Variants in INPP4B observed in about 807,000 individuals in gnomAD.
INPP4B encodes the protein inositol polyphosphate 4-phosphatase type II.
A neutral mutation model predicts 122.5 loss-of-function variants in INPP4B; 55 were observed. That is an observed-to-expected ratio of 0.45 (90% CI 0.36 to 0.56). The LOEUF is 0.56. INPP4B is among the 20% of genes least tolerant of loss of function. INPP4B has a pLI of 0.00. For synonymous variants in INPP4B, 403 were observed against 388.7 expected (o/e 1.04, Z -0.43); for missense variants, 1,000 against 1,097.7 (o/e 0.91, Z 1.26).
intron 17 of INPP4B, among the ~76,000 whole-genome samples, chr4:142,157,076 A>G (rs2152892307): frequency 6.6e-6 from 1 of 152,332 alleles, no homozygotes; most frequent in Admixed American, 6.5e-5. Context: ...TACTACCAGC[A>G]TTGACTAGAC....
At chr4:142,560,587 G>T (rs1730245521) in intron 2 of INPP4B, 1 of 152,134 alleles carries the variant, frequency 6.6e-6, no homozygotes, top group South Asian at 2.1e-4. Context: ...AAGGCTGGGG[G>T]GCCCTGGCAA....
At chr4:142,620,663 TA>T (rs1047056178) in intron 2 of INPP4B, among the ~76,000 whole-genome samples, 2 of 151,772 alleles carry the variant, frequency 1.3e-5, no homozygotes, top group African/African-American at 4.8e-5. Flanking sequence ...AAATAAGAGT[TA>T]AAAAAATAAA....
chr4:142,034,061 T>A (rs565187901), intron 25 of INPP4B, among the ~76,000 whole-genome samples: 1 of 152,156 alleles, frequency 6.6e-6, no homozygotes, highest in Non-Finnish European at 1.5e-5. Context: ...TACTGTACAG[T>A]CCATGGTAAA....
intron 23 of INPP4B, among the ~76,000 whole-genome samples, chr4:142,090,183 T>C (rs1778824756): frequency 6.6e-6 from 1 of 152,130 alleles, no homozygotes; most frequent in Non-Finnish European, 1.5e-5. Flanking sequence ...GGCCATCCTT[T>C]CCCCATTCCC....
At chr4:142,118,256 C>A (rs1275566653) in intron 21 of INPP4B, among the ~76,000 whole-genome samples, 1 of 152,132 alleles carries the variant, frequency 6.6e-6, no homozygotes, top group African/African-American at 2.4e-5. Context: ...CCCCATCAAG[C>A]TACCAATGAC....
At chr4:142,230,968 G>C (rs1367231350) in intron 12 of INPP4B, among the ~76,000 whole-genome samples, 1 of 151,934 alleles carries the variant, frequency 6.6e-6, no homozygotes, top group Admixed American at 6.6e-5. Context: ...AGTGTTATGA[G>C]AACACTTCAC....
chr4:142,201,578 C>T (rs1370406284), intron 14 of INPP4B, among the ~76,000 whole-genome samples: 1 of 151,914 alleles, frequency 6.6e-6, no homozygotes, highest in Non-Finnish European at 1.5e-5. Context: ...CTGGTCTCTT[C>T]AGCTGATGAA....
intron 2 of INPP4B, among the ~76,000 whole-genome samples, chr4:142,593,864 GCATA>G (rs1256251239): frequency 6.6e-6 from 1 of 151,330 alleles, no homozygotes; most frequent in Non-Finnish European, 1.5e-5. Flanking sequence ...AATGTTCTCA[GCATA>G]AATACACACA....
At chr4:142,631,545 G>A (rs940475547) in intron 2 of INPP4B, among the ~76,000 whole-genome samples, 19 of 151,920 alleles carry the variant, frequency 1.3e-4, no homozygotes, top group Admixed American at 4.6e-4. Context: ...GACTAAAAAC[G>A]TTCCAAAATT....
chr4:142,663,799 C>A (rs574354670), intron 2 of INPP4B, among the ~76,000 whole-genome samples: 1 of 151,946 alleles, frequency 6.6e-6, no homozygotes, highest in Admixed American at 6.6e-5. Context: ...GATTTTCAGA[C>A]AAATGTATTG....
intron 2 of INPP4B, among the ~76,000 whole-genome samples, chr4:142,520,562 A>T (rs1014598809): frequency 2.6e-5 from 4 of 151,998 alleles, no homozygotes; most frequent in African/African-American, 9.6e-5. Context: ...TTGTATTAAA[A>T]TTGTACCCTT....
chr4:142,263,680 A>ACATG (rs61694410), intron 10 of INPP4B, among the ~76,000 whole-genome samples: 1 of 81,948 alleles, frequency 1.2e-5, no homozygotes, highest in African/African-American at 3.8e-5. Context: ...ATATATATAT[A>ACATG]ACATTGAACA....
chr4:142,586,944 G>A lies in INPP4B; in HGVS notation c.-190-124218C>T, dbSNP rs532414936. Among the ~76,000 whole-genome samples the A allele has an allele frequency of 3.3e-5, 5 of 152,238 alleles. No individual in the cohort carries two copies. The East Asian group carries it at 9.7e-4, about 29-fold the overall frequency. On this transcript the variant is annotated intron_variant, in intron 2 of 25. Coordinates refer to ENST00000262992, the MANE Select transcript of INPP4B (RefSeq NM_001101669.3). ...GCTTGTTAGTAAGACTACAAATTCTGAAATATGGTGGAAGTGTAGGATGTG... is the reference window on the plus strand; with the variant it reads ...GCTTGTTAGTAAGACTACAAATTCTAAAATATGGTGGAAGTGTAGGATGTG...
intron 3 of INPP4B, among the ~76,000 whole-genome samples, chr4:142,448,295 A>C (rs1813352538): frequency 7.0e-6 from 1 of 142,386 alleles, no homozygotes; most frequent in Non-Finnish European, 1.5e-5. Flanking sequence ...TTAGATATAA[A>C]GTGCCGAATC....
chr4:142,341,043 A>T (rs555533407), intron 7 of INPP4B, among the ~76,000 whole-genome samples: 1 of 152,318 alleles, frequency 6.6e-6, no homozygotes, highest in South Asian at 2.1e-4. Context: ...GATGATAACA[A>T]TTAAGTTAAA....
chr4:142,325,522 C>G lies in INPP4B; in HGVS notation c.373-10760G>C, dbSNP rs538264959. Among the ~76,000 whole-genome samples the G allele has an allele frequency of 4.2e-4, 64 of 152,146 alleles. 2 individuals carry two copies. The highest frequency in any genetic ancestry group is 3.5e-4 in the Non-Finnish European group (24 of 68,024). On this transcript the variant is annotated intron_variant, in intron 7 of 25. Transcript: ENST00000262992. The stretch of plus-strand genomic sequence containing the variant: ...TTGGGTTTTACTCACTAAATGCGAT[C>G]ATCTTTCAAATGTCAAAGCACACTC...
At chr4:142,127,967 T>C (rs1482697066) in intron 18 of INPP4B, among the ~76,000 whole-genome samples, 1 of 152,098 alleles carries the variant, frequency 6.6e-6, no homozygotes, top group Non-Finnish European at 1.5e-5. Flanking sequence ...AAATGGCCTT[T>C]TTGCTCCAAT....
chr4:142,716,693 T>A (rs546414920), intron 2 of INPP4B, among the ~76,000 whole-genome samples: 1 of 152,240 alleles, frequency 6.6e-6, no homozygotes, highest in East Asian at 1.9e-4. Flanking sequence ...CAAGTCTACA[T>A]TAGCAGCAAG....
intron 2 of INPP4B, among the ~76,000 whole-genome samples, chr4:142,466,710 G>A (rs1489494994): frequency 6.6e-6 from 1 of 152,142 alleles, no homozygotes; most frequent in South Asian, 2.1e-4. Context: ...GGTCTCAAAG[G>A]CATTTTAGAA....
Sources: allele counts gnomAD v4.1 joint callset (sites outside exome capture counted in the v4.1 genomes callset), GRCh38; gene constraint gnomAD v4.1.1; transcripts MANE v1.5; gene names NCBI Gene and HGNC (gene_info 2026-07-23, HGNC 2026-07-21).